PTPRD: variants seen among roughly 807,000 people sequenced by gnomAD.
PTPRD encodes receptor-type tyrosine-protein phosphatase delta.
In PTPRD, 34 loss-of-function variants were observed where a neutral mutation model predicts 214.5. The observed-to-expected ratio is 0.16, with a 90% CI of 0.12 to 0.21. The LOEUF is 0.21. Among genes scored for constraint, PTPRD ranks in the 10% least tolerant of loss-of-function variants. PTPRD has a pLI of 1.00. For synonymous variants in PTPRD, 1,128 were observed against 845.7 expected (o/e 1.33, Z -5.79); for missense variants, 2,545 against 2,398.7 (o/e 1.06, Z -1.27).
At chr9:10,284,168 T>C (rs1565019061) in intron 3 of PTPRD, among the ~76,000 whole-genome samples, 1 of 152,160 alleles carries the variant, frequency 6.6e-6, no homozygotes, top group African/African-American at 2.4e-5. Context: ...GTCTTGCATG[T>C]ACATGTGCAC....
chr9:9,381,686 G>T (rs1181702868), intron 9 of PTPRD, among the ~76,000 whole-genome samples: 24 of 136,710 alleles, frequency 1.8e-4, no homozygotes, highest in African/African-American at 4.2e-4. Context: ...GTTTTTTTTT[G>T]TTGTTTTGTT....
chr9:10,296,981 C>A (rs1361433700), intron 3 of PTPRD, among the ~76,000 whole-genome samples: 1 of 151,334 alleles, frequency 6.6e-6, no homozygotes. Flanking sequence ...TTGACAATGC[C>A]CATCCACTTC....
chr9:10,439,671 C>CA (rs1265124786), intron 2 of PTPRD, among the ~76,000 whole-genome samples: 6 of 151,734 alleles, frequency 4.0e-5, no homozygotes, highest in African/African-American at 1.4e-4. Flanking sequence ...ACAACAACAA[C>CA]AAAAAATAAA....
At chr9:9,265,286 G>A (rs1164197463) in intron 9 of PTPRD, among the ~76,000 whole-genome samples, 4 of 151,484 alleles carry the variant, frequency 2.6e-5, no homozygotes, top group Non-Finnish European at 5.9e-5. Context: ...TTTAGAGATA[G>A]CATCTCATTC....
At chr9:9,418,986 A>C (rs2077815633) in intron 8 of PTPRD, among the ~76,000 whole-genome samples, 2 of 151,876 alleles carry the variant, frequency 1.3e-5, no homozygotes. Flanking sequence ...CTAGATAAGC[A>C]ATAAATGATC....
intron 22 of PTPRD, among the ~76,000 whole-genome samples, chr9:8,505,394 G>A (rs908218938): frequency 5.9e-5 from 9 of 152,140 alleles, no homozygotes; most frequent in African/African-American, 1.9e-4. Flanking sequence ...AGGCCAAGGC[G>A]GGCGGAACAT....
intron 11 of PTPRD, among the ~76,000 whole-genome samples, chr9:8,925,385 A>T (rs1292599503): frequency 6.6e-6 from 1 of 152,122 alleles, no homozygotes; most frequent in African/African-American, 2.4e-5. Context: ...AAAATAATGC[A>T]ACTCTAAGAA....
chr9:10,546,759 T>C (rs1442397997), intron 2 of PTPRD, among the ~76,000 whole-genome samples: 1 of 152,092 alleles, frequency 6.6e-6, no homozygotes. Flanking sequence ...TATAAAAGTA[T>C]AGTTTGCAAG....
intron 11 of PTPRD, among the ~76,000 whole-genome samples, chr9:9,001,845 C>T (rs150813192): frequency 9.2e-5 from 14 of 152,078 alleles, no homozygotes; most frequent in African/African-American, 3.4e-4. Flanking sequence ...AAAGTAGAAA[C>T]TAGGCACATA....
chr9:8,740,411 T>C (rs941160397), intron 11 of PTPRD, among the ~76,000 whole-genome samples: 2 of 152,224 alleles, frequency 1.3e-5, no homozygotes, highest in East Asian at 1.9e-4. Flanking sequence ...TATAGTTGTA[T>C]AGTTTTTATA....
At chr9:9,734,875 A>G (rs80049770) in intron 6 of PTPRD, among the ~76,000 whole-genome samples, 3,764 of 152,102 alleles carry the variant, frequency 0.025, 65 homozygotes, top group Middle Eastern at 0.041. Context: ...CAAAGAAGGG[A>G]GATTATTATT....
chr9:9,354,553 G>C (rs2052917582), intron 9 of PTPRD, among the ~76,000 whole-genome samples: 1 of 151,612 alleles, frequency 6.6e-6, no homozygotes, highest in Non-Finnish European at 1.5e-5. Flanking sequence ...TCTCCTAGCT[G>C]GGAATTCATC....
At chr9:8,929,729 A>ATATGTGTATATATATGTGTATATATATG (rs2098931963) in intron 11 of PTPRD, among the ~76,000 whole-genome samples, 2 of 99,470 alleles carry the variant, frequency 2.0e-5, no homozygotes, top group African/African-American at 9.4e-5. Flanking sequence ...GTATATATAT[A>ATATGTGTATATATATGTGTATATATATG]TGTGTATATA....
intron 6 of PTPRD, among the ~76,000 whole-genome samples, chr9:9,749,115 G>C (rs1177252223): frequency 1.3e-5 from 2 of 152,044 alleles, no homozygotes; most frequent in African/African-American, 4.8e-5. Context: ...TGATTCTAAA[G>C]TTTGGCAGAA....
intron 8 of PTPRD, among the ~76,000 whole-genome samples, chr9:9,475,841 T>A (rs922151950): frequency 6.6e-6 from 1 of 152,208 alleles, no homozygotes; most frequent in African/African-American, 2.4e-5. Flanking sequence ...GTTCTTCTGA[T>A]GCAGATGGAC....
At chr9:10,458,340 T>C (rs186091418) in intron 2 of PTPRD, among the ~76,000 whole-genome samples, 1 of 152,238 alleles carries the variant, frequency 6.6e-6, no homozygotes, top group African/African-American at 2.4e-5. Context: ...CAAAAGAGTA[T>C]ATTTCATGAT....
At chr9:8,691,164 G>T (rs2097792376) in intron 12 of PTPRD, among the ~76,000 whole-genome samples, 2 of 151,992 alleles carry the variant, frequency 1.3e-5, no homozygotes. Flanking sequence ...ATTCCCCATG[G>T]CCACTGTTCT....
At chr9:10,536,009 T>C (rs1394464201) in intron 2 of PTPRD, among the ~76,000 whole-genome samples, 1 of 151,934 alleles carries the variant, frequency 6.6e-6, no homozygotes, top group Non-Finnish European at 1.5e-5. Flanking sequence ...GTGAAGAGGG[T>C]ATAAAAGAGT....
intron 11 of PTPRD, among the ~76,000 whole-genome samples, chr9:8,760,821 CAAGTA>C (rs553243369): frequency 3.9e-5 from 6 of 152,008 alleles, no homozygotes; most frequent in Non-Finnish European, 5.9e-5. Context: ...TTATCTCGTA[CAAGTA>C]AAGTAGAAAG....
Sources: gnomAD v4.1 joint callset for allele counts (sites outside exome capture counted in the v4.1 genomes callset) on GRCh38, gnomAD v4.1.1 for gene constraint, MANE v1.5 for transcripts, NCBI Gene and HGNC (gene_info 2026-07-23, HGNC 2026-07-21) for gene names.